SYNRG: variants seen among roughly 807,000 people sequenced by gnomAD.
SYNRG encodes the protein synergin gamma.
Under a neutral mutation model 130.9 loss-of-function variants are expected in SYNRG, and 37 were observed. The observed-to-expected ratio is 0.28, with a 90% confidence interval of 0.22 to 0.37. The LOEUF is 0.37. Ranked by LOEUF, SYNRG falls within the 10% of genes least tolerant of loss-of-function variation. The pLI is 1.00. For missense variants in SYNRG, 1,338 were observed against 1,588.9 expected (o/e 0.84, Z 2.68); for synonymous variants, 539 against 568.1 (o/e 0.95, Z 0.73).
intron 14 of SYNRG, among the ~76,000 whole-genome samples, chr17:37,545,333 T>C (rs1408167009): frequency 6.6e-6 from 1 of 152,048 alleles, no homozygotes; most frequent in African/African-American, 2.4e-5. Flanking sequence ...GAATCGGAGA[T>C]TGCAGTAAGC....
chr17:37,575,562 C>T (rs1299853749), intron 8 of SYNRG, among the ~76,000 whole-genome samples: 1 of 150,602 alleles, frequency 6.6e-6, no homozygotes, highest in Non-Finnish European at 1.5e-5. Flanking sequence ...AAAAGTAGGT[C>T]AGGTGCAGTG....
intron 3 of SYNRG, 75 bp from the exon 4 acceptor site, chr17:37,586,624 T>C: frequency 6.5e-7 from 1 of 1,544,530 alleles, no homozygotes; most frequent in Non-Finnish European, 8.9e-7. Flanking sequence ...GTGACTTCCA[T>C]AAATTCTATC....
intron 19 of SYNRG, among the ~76,000 whole-genome samples, chr17:37,533,014 T>C (rs573298293): frequency 2.6e-4 from 39 of 152,362 alleles, no homozygotes; most frequent in African/African-American, 8.7e-4. Context: ...TGTTGCTTTA[T>C]TTACTGAAAG....
intron 14 of SYNRG, 59 bp from the exon 15 acceptor site, chr17:37,542,624 A>G (rs1326798432): frequency 6.6e-6 from 9 of 1,371,248 alleles, no homozygotes; most frequent in Non-Finnish European, 8.0e-6. Flanking sequence ...AATGCCCTAA[A>G]CTCTGTAGAA....
chr17:37,528,133 T>G (rs2056178259), intron 19 of SYNRG, among the ~76,000 whole-genome samples: 4 of 152,228 alleles, frequency 2.6e-5, no homozygotes, highest in Admixed American at 2.6e-4. Context: ...CAGTCAAGTT[T>G]CATCTTCTCA....
intron 14 of SYNRG, among the ~76,000 whole-genome samples, chr17:37,544,860 C>T (rs1169807093): frequency 1.3e-5 from 2 of 151,990 alleles, no homozygotes; most frequent in East Asian, 3.9e-4. Flanking sequence ...CTAGGCCCGA[C>T]GAAAGCGTTT....
At position 37,553,814 on chromosome 17, in the gene SYNRG, A is replaced by G. The variant is rs2058891075; in HGVS notation, c.1909T>C (p.Phe637Leu). Residue 637 changes from phenylalanine (F) to leucine (L), a missense_variant, in exon 14 of 22, where the codon TTT becomes CTT. Around this residue, in one of 3 missense-constraint regions of SYNRG, gnomAD observed 1,146 missense variants for 1,342.3 expected, o/e 0.85. Coordinates refer to ENST00000612223, the MANE Select transcript of SYNRG (RefSeq NM_007247.6). ...SEKPLSFSAVFSTSKSVSTPQ... is the reference protein window; with the variant it reads ...SEKPLSFSAVLSTSKSVSTPQ... ...GTAGAAACTGATTTTGATGTGCTAAACACAGCTGAAAAAGACAATGGTTTC... is the reference window on the plus strand; with the variant it reads ...GTAGAAACTGATTTTGATGTGCTAAGCACAGCTGAAAAAGACAATGGTTTC... The G allele has an allele frequency of 6.2e-7, 1 of 1,613,456 alleles. No individual in the cohort carries two copies. Among genetic ancestry groups the G allele is most frequent in the Non-Finnish European group, 8.5e-7 (1 of 1,179,920 alleles).
intron 19 of SYNRG, among the ~76,000 whole-genome samples, chr17:37,527,760 C>T (rs921311918): frequency 4.6e-5 from 7 of 152,100 alleles, no homozygotes; most frequent in African/African-American, 1.2e-4. Context: ...ATCAGGAACT[C>T]GAACGTCTGC....
At position 37,553,297 on chromosome 17, in the gene SYNRG, G is replaced by A. The variant is rs1470632797; in HGVS notation, c.2426C>T (p.Ser809Leu). ...GGAAGGGAGATCTAAGGACTTCACT[G>A]ATGCAGAGTCTTCTTTGGTGTGTCT... is the stretch of plus-strand genomic sequence containing the variant. ...AFRHTKEDSA[S>L]VKSLDLPSIG... Residue 809 changes from serine (S) to leucine (L), a missense_variant, in exon 14 of 22, where the codon TCA becomes TTA. Ser to Leu is a moderately radical substitution (Grantham distance 145, BLOSUM62 -2). Transcript: ENST00000612223. The A allele has an allele frequency of 6.2e-7, 1 of 1,613,922 alleles. No individual in the cohort carries two copies. The highest frequency in any genetic ancestry group is 1.1e-5 in the South Asian group (1 of 91,074).
intron 11 of SYNRG, chr17:37,566,990 T>G (rs1039534345): frequency 1.6e-4 from 24 of 152,320 alleles, no homozygotes; most frequent in African/African-American, 5.1e-4. Context: ...GGCACAGACA[T>G]TCATCAGGTA....
chr17:37,520,733 G>A, intron 19 of SYNRG, 85 bp from the exon 20 acceptor site: 1 of 1,117,356 alleles, frequency 8.9e-7, no homozygotes, highest in Non-Finnish European at 1.4e-6. Flanking sequence ...ACCCCCAGCA[G>A]GCCTAGCGGC....
chr17:37,573,978 A>G, intron 8 of SYNRG, among the ~76,000 whole-genome samples: 1 of 152,202 alleles, frequency 6.6e-6, no homozygotes, highest in East Asian at 1.9e-4. Context: ...GAGGAATTAC[A>G]GTACATTACT....
At chr17:37,559,342 C>A (rs567974304) in intron 13 of SYNRG, among the ~76,000 whole-genome samples, 155 of 151,904 alleles carry the variant, frequency 1.0e-3, no homozygotes, top group African/African-American at 3.1e-3. Flanking sequence ...CTAAAAAAAA[C>A]CAAATAATAA....
intron 3 of SYNRG, among the ~76,000 whole-genome samples, chr17:37,591,506 T>C (rs771807613): frequency 3.3e-5 from 5 of 152,132 alleles, no homozygotes; most frequent in Non-Finnish European, 7.3e-5. Flanking sequence ...GGAACCAGAA[T>C]AGTTAAATTT....
chr17:37,607,093 T>C (rs893298606), intron 1 of SYNRG, among the ~76,000 whole-genome samples: 15 of 152,240 alleles, frequency 9.9e-5, no homozygotes, highest in African/African-American at 2.4e-4. Context: ...ATGTAACATA[T>C]GTACCATACA....
chr17:37,562,301 T>C (rs2059592783), intron 11 of SYNRG, among the ~76,000 whole-genome samples: 1 of 152,232 alleles, frequency 6.6e-6, no homozygotes, highest in African/African-American at 2.4e-5. Flanking sequence ...GTGGACATAT[T>C]TCGTGCTGGA....
chr17:37,524,423 C>T (rs1190191781), intron 19 of SYNRG, among the ~76,000 whole-genome samples: 1 of 152,222 alleles, frequency 6.6e-6, no homozygotes, highest in Non-Finnish European at 1.5e-5. Flanking sequence ...TTCTTAAACA[C>T]ATTTGAGCTA....
chr17:37,576,383 G>A lies in SYNRG; in HGVS notation c.859C>T (p.Pro287Ser). 1 of 1,613,932 alleles carries A rather than the reference G, an allele frequency of 6.2e-7. No homozygotes were observed. The highest frequency in any genetic ancestry group is 8.5e-7 in the Non-Finnish European group (1 of 1,179,930). ...GVFPSQDPAQ[P>S]RMPPWIYNES... ...TTGTAAATCCAAGGAGGCATTCTGG[G>A]CTGAGCAGGATCCTGTGAGGGAAAT... is the stretch of plus-strand genomic sequence containing the variant. The change falls in exon 8 of 22, where the codon CCC (proline) becomes TCC (serine). Residue 287 changes from proline to serine, a missense_variant. Transcript: ENST00000612223.
chr17:37,586,378 T>A, intron 4 of SYNRG, 41 bp downstream of exon 4: 1 of 1,611,102 alleles, frequency 6.2e-7, no homozygotes, highest in Non-Finnish European at 8.5e-7. Flanking sequence ...ATAGATGCTA[T>A]AATGTATCTT....
Sources: allele counts gnomAD v4.1 joint callset (sites outside exome capture counted in the v4.1 genomes callset), GRCh38; gene constraint gnomAD v4.1.1; regional missense constraint gnomAD v4.1.1; transcripts MANE v1.5; gene names NCBI Gene and HGNC (gene_info 2026-07-23, HGNC 2026-07-21).